Variants in OSBPL6 observed in about 807,000 individuals in gnomAD.
OSBPL6 encodes the protein oxysterol-binding protein-related protein 6.
OSBPL6 carries 49 observed loss-of-function variants against 125.8 expected under a neutral mutation model. That is an observed-to-expected ratio of 0.39 (90% confidence interval 0.31 to 0.49). The LOEUF (loss-of-function observed/expected upper bound fraction) is 0.49. Among genes scored for constraint, OSBPL6 ranks in the 20% least tolerant of loss-of-function variants. OSBPL6 has a pLI of 0.88. For synonymous variants in OSBPL6, 394 were observed against 391.8 expected (o/e 1.01, Z -0.07); for missense variants, 986 against 1,135.4 (o/e 0.87, Z 1.89).
rs934730516 is a variant in OSBPL6, at chr2:178,275,867, C to G, written c.-350-9060C>G. 3.9e-5 allele frequency among the ~76,000 whole-genome samples: 6 copies of G among 152,142 alleles called. No homozygotes were observed. In the East Asian group the frequency reaches 1.2e-3, roughly 29 times the overall value. On this transcript the variant is annotated intron_variant, in intron 1 of 24. Coordinates refer to ENST00000190611, the MANE Select transcript of OSBPL6 (RefSeq NM_032523.4). ...TGAACACTTTACATGCATTAATTTG[C>G]TTAATCCTCAGGCAATTCAGTGAAA...
At chr2:178,199,556 G>T (rs926230705) in intron 1 of OSBPL6, among the ~76,000 whole-genome samples, 55 of 151,686 alleles carry the variant, frequency 3.6e-4, no homozygotes, top group Admixed American at 9.2e-4. Flanking sequence ...AAATGTCATG[G>T]GGAGCCTCTG....
At position 178,306,230 on chromosome 2, in the gene OSBPL6, A is replaced by T. The variant is rs1574820551; in HGVS notation, c.46A>T (p.Thr16Ser). ...CATTTCCCCTGCTCATAAAACATCCACTCCAACCCATAGAAGTGCCTCCTC... is the reference window on the plus strand; with the variant it reads ...CATTTCCCCTGCTCATAAAACATCCTCTCCAACCCATAGAAGTGCCTCCTC... Reference protein sequence around the residue: ...KGISPAHKTSTPTHRSASSST... With the variant: ...KGISPAHKTSSPTHRSASSST... Residue 16 changes from threonine to serine, a missense_variant, in exon 3 of 25, where the codon ACT (threonine) becomes TCT (serine). Physicochemically the swap from Thr to Ser is moderately conservative, Grantham distance 58. Coordinates refer to ENST00000190611, the MANE Select transcript of OSBPL6 (RefSeq NM_032523.4). 1 of 1,613,940 alleles carries T rather than the reference A, an allele frequency of 6.2e-7. No homozygotes were observed. Among genetic ancestry groups the T allele is most frequent in the Non-Finnish European group, 8.5e-7 (1 of 1,179,880 alleles).
rs547757335 is a variant in OSBPL6 at position 178,336,368 on chromosome 2, C to T, written c.725C>T (p.Thr242Ile). ...AGCAATAGCCTCCCTGCAACGTGCA[C>T]AACTGGCCAGAGTAAAGTGGCAGCC... The part of the protein sequence containing the change: ...PCSNSLPATC[T>I]TGQSKVAAWL... The change falls in exon 9 of 25, where the codon ACA becomes ATA. Residue 242 changes from threonine (T) to isoleucine (I), a missense_variant. Physicochemically the swap from Thr to Ile is moderately conservative, Grantham distance 89 (BLOSUM62 -1). Coordinates refer to ENST00000190611, the MANE Select transcript of OSBPL6 (RefSeq NM_032523.4). 2 of 1,614,130 alleles carry T rather than the reference C, an allele frequency of 1.2e-6. No individual in the cohort carries two copies. Among genetic ancestry groups the T allele is most frequent in the African/African-American group, 2.7e-5 (2 of 75,024 alleles).
At chr2:178,211,545 T>A (rs572641988) in intron 1 of OSBPL6, among the ~76,000 whole-genome samples, 9 of 152,290 alleles carry the variant, frequency 5.9e-5, no homozygotes, top group African/African-American at 2.2e-4. Flanking sequence ...CGGCACTTGC[T>A]CCTTATTTCC....
chr2:178,271,682 T>A (rs997254269), intron 1 of OSBPL6, among the ~76,000 whole-genome samples: 3 of 152,184 alleles, frequency 2.0e-5, no homozygotes, highest in Non-Finnish European at 2.9e-5. Flanking sequence ...TTGACCTCGA[T>A]TTGCATGTGA....
chr2:178,387,137 A>G lies in OSBPL6; in HGVS notation c.2154A>G (p.Pro718=), dbSNP rs756683246. The G allele has an allele frequency of 3.5e-5, 57 of 1,606,632 alleles. No individual in the cohort carries two copies. The Middle Eastern group carries it at 4.9e-4, about 14-fold the overall frequency. ...TTGGAACACTGAATGTCATGCTTCC[A>G]AAGTAGGTGACTCACACCTCCCTTT... The part of the protein sequence containing the change: ...LPVGTLNVML[P]KYGDYYVWNK... Residue 718 remains proline, a splice_region_variant and synonymous_variant, in exon 20 of 25, where the codon CCA becomes CCG. Transcript: ENST00000190611.
chr2:178,271,813 A>G (rs2092380896), intron 1 of OSBPL6, among the ~76,000 whole-genome samples: 1 of 152,208 alleles, frequency 6.6e-6, no homozygotes, highest in Non-Finnish European at 1.5e-5. Flanking sequence ...GTAATCCAAT[A>G]GATACTAGAA....
rs1002029864 is a variant in OSBPL6 at position 178,297,886 on chromosome 2, C to T, written c.-155-8144C>T. On this transcript the variant is annotated intron_variant, in intron 2 of 24. Transcript: ENST00000190611. The stretch of plus-strand genomic sequence containing the variant: ...TGTAGCATAAAATTTATCATTTTAA[C>T]TGCTTTGAAGTGTCCACTTCTGTAT... Among the ~76,000 whole-genome samples the T allele has an allele frequency of 4.6e-5, 7 of 152,298 alleles. No individual in the cohort carries two copies. The South Asian group carries it at 1.5e-3, about 32-fold the overall frequency.
chr2:178,373,412 A>G (rs1302219471), intron 14 of OSBPL6, among the ~76,000 whole-genome samples: 1 of 152,232 alleles, frequency 6.6e-6, no homozygotes, highest in Non-Finnish European at 1.5e-5. Context: ...AATAAGGTTC[A>G]ATATTCCAGT....
At chr2:178,206,325 T>C (rs2089525658) in intron 1 of OSBPL6, among the ~76,000 whole-genome samples, 1 of 152,204 alleles carries the variant, frequency 6.6e-6, no homozygotes, top group Non-Finnish European at 1.5e-5. Context: ...TTATGAGGCA[T>C]GACATAGCAA....
intron 1 of OSBPL6, among the ~76,000 whole-genome samples, chr2:178,218,662 C>G (rs2090195656): frequency 7.3e-6 from 1 of 136,880 alleles, no homozygotes; most frequent in Admixed American, 7.5e-5. Context: ...TGGAGTCTTG[C>G]TCTGTTGCCC....
rs116437930 is a variant in OSBPL6 at position 178,262,780 on chromosome 2, T to G, written c.-350-22147T>G. Among the ~76,000 whole-genome samples the G allele has an allele frequency of 2.1e-3, 316 of 152,294 alleles. 2 individuals carry two copies. The highest frequency in any genetic ancestry group is 7.4e-3 in the African/African-American group (309 of 41,566). On this transcript the variant is annotated intron_variant, in intron 1 of 24. Coordinates refer to ENST00000190611, the MANE Select transcript of OSBPL6 (RefSeq NM_032523.4). ...CAGTGTTAGGGCATAGGCAACTATATTCATCATCCTAGTGACCAGTGTTTA... is the reference window on the plus strand; with the variant it reads ...CAGTGTTAGGGCATAGGCAACTATAGTCATCATCCTAGTGACCAGTGTTTA...
At chr2:178,263,824 T>C (rs926011725) in intron 1 of OSBPL6, among the ~76,000 whole-genome samples, 1 of 151,780 alleles carries the variant, frequency 6.6e-6, no homozygotes, top group African/African-American at 2.4e-5. Context: ...TGTGTGTGTG[T>C]GTGTGTGTGT....
chr2:178,374,376 G>C (rs1693677157), intron 15 of OSBPL6, among the ~76,000 whole-genome samples: 1 of 152,216 alleles, frequency 6.6e-6, no homozygotes, highest in East Asian at 1.9e-4. Flanking sequence ...AAGAATGAGA[G>C]AATTAGGAAA....
chr2:178,304,207 C>G (rs1328216746), intron 2 of OSBPL6, among the ~76,000 whole-genome samples: 1 of 152,060 alleles, frequency 6.6e-6, no homozygotes, highest in Non-Finnish European at 1.5e-5. Context: ...GAGAGAGAAC[C>G]CACTCCCACA....
intron 12 of OSBPL6, among the ~76,000 whole-genome samples, chr2:178,358,496 GA>G (rs201527538): frequency 0.014 from 2,137 of 152,200 alleles, 65 homozygotes; most frequent in African/African-American, 0.048. Flanking sequence ...GGCACAATGA[GA>G]AAAGGATAGT....
chr2:178,231,247 T>A (rs552096432), intron 1 of OSBPL6, among the ~76,000 whole-genome samples: 1 of 152,286 alleles, frequency 6.6e-6, no homozygotes, highest in South Asian at 2.1e-4. Context: ...ACAAAGCACA[T>A]AGGGAAAGCT....
intron 1 of OSBPL6, among the ~76,000 whole-genome samples, chr2:178,245,113 C>A (rs1017023512): frequency 4.6e-5 from 7 of 152,118 alleles, no homozygotes; most frequent in African/African-American, 1.7e-4. Flanking sequence ...GCGTGTCTTT[C>A]GTTGATAGTG....
intron 12 of OSBPL6, among the ~76,000 whole-genome samples, chr2:178,356,576 A>C (rs1691813517): frequency 6.6e-6 from 1 of 152,246 alleles, no homozygotes; most frequent in South Asian, 2.1e-4. Context: ...CCACTGCACA[A>C]TGAAATGAAA....
Sources: gnomAD v4.1 joint callset for allele counts (sites outside exome capture counted in the v4.1 genomes callset) on GRCh38, gnomAD v4.1.1 for gene constraint, MANE v1.5 for transcripts, NCBI Gene and HGNC (gene_info 2026-07-23, HGNC 2026-07-21) for gene names.